TRDMT1: variants seen among roughly 807,000 people sequenced by gnomAD.
TRDMT1 encodes tRNA (cytosine(38)-C(5))-methyltransferase.
In TRDMT1, 49 loss-of-function variants were observed where a neutral mutation model predicts 51.2. That is an observed-to-expected ratio of 0.96 (90% CI 0.76 to 1.21). The LOEUF (loss-of-function observed/expected upper bound fraction) is 1.21, where lower values mean the gene tolerates loss of function less well. TRDMT1 is among the 50% of genes most tolerant of loss of function. The pLI, the probability that TRDMT1 is intolerant of heterozygous loss-of-function variation, is 0.00. For missense variants in TRDMT1, 534 were observed against 462.3 expected (o/e 1.16, Z -1.42); for synonymous variants, 187 against 164.6 (o/e 1.14, Z -1.04).
chr10:17,154,630 T>A (rs1564560750), intron 9 of TRDMT1, 47 bp downstream of exon 9: 2 of 1,471,672 alleles, frequency 1.4e-6, no homozygotes, highest in African/African-American at 1.4e-5. Flanking sequence ...TTAAACAATT[T>A]TAGTTAAAAG....
Position 17,143,005 on chromosome 10 carries a change from T to G in TRDMT1, c.*6035A>C. The G allele has an allele frequency of 1.0e-6, 1 of 985,450 alleles. No individual in the cohort carries two copies. Among genetic ancestry groups the G allele is most frequent in the Non-Finnish European group, 1.2e-6 (1 of 829,942 alleles). The allele number at this position is 985,450 out of a possible 1,614,324, so 61.0% of individuals were successfully genotyped here. A position where few individuals can be genotyped will look rare whatever the true frequency, so the allele number is the denominator to read the frequency against. On this transcript the variant is annotated 3_prime_UTR_variant, in exon 11 of 11. Transcript: ENST00000377799. ...GAATACAGTATTTTAAAAAGTTTTA[T>G]TTGCGCTACTTTCCAAAAGCCAAAA... is the stretch of plus-strand genomic sequence containing the variant.
At chr10:17,182,230 C>A (rs1434870769) in intron 1 of TRDMT1, among the ~76,000 whole-genome samples, 1 of 152,174 alleles carries the variant, frequency 6.6e-6, no homozygotes, top group African/African-American at 2.4e-5. Flanking sequence ...ATGCACCCAA[C>A]CTAGAAGAAA....
chr10:17,160,641 T>C (rs1349057027), intron 5 of TRDMT1, among the ~76,000 whole-genome samples: 1 of 152,042 alleles, frequency 6.6e-6, no homozygotes, highest in Non-Finnish European at 1.5e-5. Context: ...TGGCTAATTT[T>C]TTTGTATTTT....
chr10:17,179,043 T>TA lies in TRDMT1; in HGVS notation c.65-4384dup, dbSNP rs201150481. On this transcript the variant is annotated intron_variant, in intron 1 of 10. Coordinates refer to ENST00000377799, the MANE Select transcript of TRDMT1 (RefSeq NM_004412.7). ...AAGAGAGAAATATGGCAAATTAATG[T>TA]AAAAAAAAAGGAGCACAGTGAAGGA... is the stretch of plus-strand genomic sequence containing the variant. Among the ~76,000 whole-genome samples the TA allele has an allele frequency of 7.3e-4, 109 of 150,230 alleles. 2 individuals are homozygous for TA. The highest frequency in any genetic ancestry group is 6.2e-3 in the East Asian group (32 of 5,126).
At chr10:17,158,958 T>C (rs565097359) in intron 7 of TRDMT1, among the ~76,000 whole-genome samples, 188 bp downstream of exon 7, 1 of 152,258 alleles carries the variant, frequency 6.6e-6, no homozygotes, top group Non-Finnish European at 1.5e-5. Flanking sequence ...TTTTGTTTTG[T>C]TTTAAAACAA....
At chr10:17,197,313 C>G (rs1845585141) in intron 1 of TRDMT1, among the ~76,000 whole-genome samples, 1 of 151,706 alleles carries the variant, frequency 6.6e-6, no homozygotes, top group South Asian at 2.1e-4. Context: ...AGAGGCTGTA[C>G]AGGAACAGAA....
chr10:17,178,945 T>C lies in TRDMT1; in HGVS notation c.65-4285A>G, dbSNP rs10490960. Among the ~76,000 whole-genome samples the C allele has an allele frequency of 4.2e-3, 640 of 152,134 alleles. 11 individuals are homozygous for C. Among genetic ancestry groups the C allele is most frequent in the South Asian group, 0.02 (96 of 4,818 alleles). On this transcript the variant is annotated intron_variant, in intron 1 of 10. Coordinates refer to ENST00000377799, the MANE Select transcript of TRDMT1 (RefSeq NM_004412.7). The stretch of plus-strand genomic sequence containing the variant: ...GAGATCTATGAAATTATCACGTCCT[T>C]GACACTATATCTTAGGAGAATTTAT...
Position 17,141,622 on chromosome 10 carries a change from T to G in TRDMT1, c.*7418A>C, listed in dbSNP as rs1837700973. Among the ~76,000 whole-genome samples the G allele has an allele frequency of 6.6e-6, 1 of 152,176 alleles. No individual in the cohort carries two copies. Among genetic ancestry groups the G allele is most frequent in the South Asian group, 2.1e-4 (1 of 4,826 alleles). Reference sequence around the variant, plus strand: ...GGTCCCCAAGGCTCTGTTAATTTTTTTTGTCAGCCTATCTTTGCCCTATCA... The same window carrying G: ...GGTCCCCAAGGCTCTGTTAATTTTTGTTGTCAGCCTATCTTTGCCCTATCA... On this transcript the variant is annotated 3_prime_UTR_variant, in exon 11 of 11. Transcript: ENST00000377799.
At chr10:17,186,354 G>A (rs188200563) in intron 1 of TRDMT1, among the ~76,000 whole-genome samples, 6 of 152,206 alleles carry the variant, frequency 3.9e-5, no homozygotes, top group Admixed American at 2.6e-4. Context: ...AATTATGCAC[G>A]TGGGCCCAGT....
At chr10:17,154,285 T>C (rs1001376608) in intron 9 of TRDMT1, among the ~76,000 whole-genome samples, 53 of 152,128 alleles carry the variant, frequency 3.5e-4, no homozygotes, top group African/African-American at 1.2e-3. Flanking sequence ...ATAAAGCACA[T>C]TGTTAAGATT....
chr10:17,168,758 T>C, intron 3 of TRDMT1, 83 bp downstream of exon 3: 1 of 958,014 alleles, frequency 1.0e-6, no homozygotes, highest in Non-Finnish European at 1.6e-6. Context: ...CTCTTTCTTT[T>C]GTAAATTGCC....
In TRDMT1 at chr10:17,143,543, G is replaced by T. The variant is rs904272535; in HGVS notation, c.*5497C>A. 1.0e-6 allele frequency: 1 copy of T among 985,216 alleles called. No homozygotes were observed. Among genetic ancestry groups the T allele is most frequent in the African/African-American group, 1.7e-5 (1 of 57,208 alleles). The allele number at this position is 985,216 out of a possible 1,614,324, so 61.0% of individuals were successfully genotyped here. ...CTTGTGTAAGGAACCAGCTAAGTGA[G>T]TAAAATAGCAAATATTTTAGTAAAA... On this transcript the variant is annotated 3_prime_UTR_variant, in exon 11 of 11. Coordinates refer to ENST00000377799, the MANE Select transcript of TRDMT1 (RefSeq NM_004412.7).
chr10:17,192,532 A>G (rs1217230148), intron 1 of TRDMT1, among the ~76,000 whole-genome samples: 1 of 152,130 alleles, frequency 6.6e-6, no homozygotes, highest in African/African-American at 2.4e-5. Flanking sequence ...CCCATCAGAC[A>G]TTTCCGGAAA....
rs765260312 is a variant in TRDMT1 at position 17,145,463 on chromosome 10, T to C, written c.*3577A>G. 7.1e-6 allele frequency: 7 copies of C among 985,306 alleles called. No individual in the cohort carries two copies. The highest frequency in any genetic ancestry group is 8.4e-6 in the Non-Finnish European group (7 of 829,946). 61.0% of individuals were successfully genotyped at this position (985,306 alleles called of 1,614,324 possible). On this transcript the variant is annotated 3_prime_UTR_variant, in exon 11 of 11. Coordinates refer to ENST00000377799, the MANE Select transcript of TRDMT1 (RefSeq NM_004412.7). ...CCAAAGGCCATGTCTTTAAAAATTA[T>C]ATAATCTCAATGCAATCACAGGCTA...
At chr10:17,198,124 T>C (rs528837612) in intron 1 of TRDMT1, among the ~76,000 whole-genome samples, 1 of 152,240 alleles carries the variant, frequency 6.6e-6, no homozygotes, top group South Asian at 2.1e-4. Context: ...TATGATTTCA[T>C]ATCCATCAGA....
At chr10:17,166,713 A>G (rs1169231659) in intron 3 of TRDMT1, among the ~76,000 whole-genome samples, 1 of 152,180 alleles carries the variant, frequency 6.6e-6, no homozygotes, top group East Asian at 1.9e-4. Flanking sequence ...TCAGACTTTC[A>G]CATGAGGACT....
At chr10:17,161,052 C>T (rs975386077) in intron 5 of TRDMT1, among the ~76,000 whole-genome samples, 3 of 152,096 alleles carry the variant, frequency 2.0e-5, no homozygotes, top group African/African-American at 7.2e-5. Flanking sequence ...CTCAAGGACT[C>T]GGGTGGATGC....
chr10:17,183,300 C>G (rs1352845471), intron 1 of TRDMT1, among the ~76,000 whole-genome samples: 1 of 152,154 alleles, frequency 6.6e-6, no homozygotes, highest in Non-Finnish European at 1.5e-5. Flanking sequence ...GAGAAAACAG[C>G]CAATATCAAC....
In TRDMT1 at chr10:17,151,879, T is replaced by C. The variant is rs1838784066; in HGVS notation, c.1075+1628A>G. 4 of 1,060,278 alleles carry C rather than the reference T, an allele frequency of 3.8e-6. No homozygotes were observed. In the South Asian group the frequency reaches 1.2e-4, roughly 31 times the overall value. The allele number at this position is 1,060,278 out of a possible 1,614,324, so 65.7% of individuals were successfully genotyped here. Reference sequence around the variant, plus strand: ...AAGCAGGAGTTATGATCATCCTCATTTTACAGAGAAGTAAACTAAAGAAGG... The same window carrying C: ...AAGCAGGAGTTATGATCATCCTCATCTTACAGAGAAGTAAACTAAAGAAGG... On this transcript the variant is annotated intron_variant, in intron 10 of 10. Transcript: ENST00000377799.
Sources: gnomAD v4.1 joint callset for allele counts (sites outside exome capture counted in the v4.1 genomes callset) on GRCh38, gnomAD v4.1.1 for gene constraint, MANE v1.5 for transcripts, NCBI Gene and HGNC (gene_info 2026-07-23, HGNC 2026-07-21) for gene names.